The following GBP6 variants were observed in gnomAD, a reference collection of about 807,000 sequenced individuals.
GBP6 encodes the protein guanylate binding protein family member 6, also known as guanylate-binding protein 6.
Under a neutral mutation model 61.5 loss-of-function variants are expected in GBP6, and 54 were observed. The observed-to-expected ratio is 0.88, with a 90% CI of 0.71 to 1.10. The LOEUF (loss-of-function observed/expected upper bound fraction) is 1.10, where lower values mean the gene tolerates loss of function less well. GBP6 is among the 50% of genes least tolerant of loss of function. The probability of loss-of-function intolerance (pLI) is 0.00; values close to 1 mark genes in which losing one functional copy is unlikely to be tolerated. For missense variants in GBP6, 748 were observed against 752.8 expected (o/e 0.99, Z 0.07); for synonymous variants, 255 against 273.7 (o/e 0.93, Z 0.67).
chr1:89,374,196 T>C (rs891954515), intron 3 of GBP6, among the ~76,000 whole-genome samples: 2 of 152,150 alleles, frequency 1.3e-5, no homozygotes, highest in African/African-American at 4.8e-5. Context: ...TTGTCCAGTC[T>C]CGTGTATGTC....
Position 89,385,586 on chromosome 1 carries a change from TAC to T in GBP6, c.*119_*120del. On this transcript the variant is annotated 3_prime_UTR_variant, in exon 11 of 11. Transcript: ENST00000370456. ...TCTTACTCTGTTGCCCAGGCTGGAG[TAC>T]AGTGGTGCAATCTCAGCTCACTGCA... 2 of 987,212 alleles carry T rather than the reference TAC, an allele frequency of 2.0e-6. No individual in the cohort carries two copies. The highest frequency in any genetic ancestry group is 5.2e-5 in the East Asian group (2 of 38,242). The allele number at this position is 987,212 out of a possible 1,614,324, so 61.2% of individuals were successfully genotyped here. A position where few individuals can be genotyped will look rare whatever the true frequency, so the allele number is the denominator to read the frequency against.
chr1:89,379,426 A>G (rs988557339), intron 5 of GBP6, among the ~76,000 whole-genome samples: 2 of 152,138 alleles, frequency 1.3e-5, no homozygotes, highest in African/African-American at 4.8e-5. Flanking sequence ...CACAGATATT[A>G]TTCTTCTCAT....
At chr1:89,364,307 G>A (rs188176124) in intron 1 of GBP6, among the ~76,000 whole-genome samples, 180 bp downstream of exon 1, 50 of 152,302 alleles carry the variant, frequency 3.3e-4, no homozygotes, top group African/African-American at 1.2e-3. Flanking sequence ...AGTGACAGCC[G>A]GGCACGCCGC....
Position 89,378,213 on chromosome 1 carries a change from G to A in GBP6, c.428+1G>A. The A allele has an allele frequency of 1.2e-6, 2 of 1,608,276 alleles. No individual in the cohort carries two copies. Among genetic ancestry groups the A allele is most frequent in the Non-Finnish European group, 1.7e-6 (2 of 1,178,634 alleles). The stretch of plus-strand genomic sequence containing the variant: ...ACCACCAGGCCCTGGAGCAGCTGCA[G>A]TATCCTTCCAGGAACAGAACAGAAC... On this transcript the variant is annotated splice_donor_variant, in intron 4 of 10. Coordinates refer to ENST00000370456, the MANE Select transcript of GBP6 (RefSeq NM_198460.3). LOFTEE classifies it high-confidence loss of function.
chr1:89,379,742 GC>G, intron 5 of GBP6, among the ~76,000 whole-genome samples: 1 of 152,282 alleles, frequency 6.6e-6, no homozygotes, highest in Admixed American at 6.5e-5. Flanking sequence ...TTCTATTTAT[GC>G]TTTCTTGAAA....
intron 9 of GBP6, 67 bp from the exon 10 acceptor site, chr1:89,384,026 G>A (rs1653062385): frequency 6.9e-7 from 1 of 1,439,136 alleles, no homozygotes; most frequent in Non-Finnish European, 9.3e-7. Flanking sequence ...TTTAGTCTCA[G>A]CTCAGAAAAG....
intron 3 of GBP6, among the ~76,000 whole-genome samples, chr1:89,372,028 A>C (rs1652658880): frequency 1.4e-5 from 2 of 144,056 alleles, no homozygotes; most frequent in Admixed American, 6.7e-5. Context: ...TAACAGACAA[A>C]CAGAGAGCCA....
chr1:89,382,949 A>C lies in GBP6; in HGVS notation c.1365+73A>C, dbSNP rs964307184. 4.3e-6 allele frequency: 4 copies of C among 927,892 alleles called. No individual in the cohort carries two copies. The African/African-American group carries it at 6.5e-5, about 15-fold the overall frequency. 57.5% of individuals were successfully genotyped at this position (927,892 alleles called of 1,614,324 possible). A position where few individuals can be genotyped will look rare whatever the true frequency, so the allele number is the denominator to read the frequency against. On this transcript the variant is annotated intron_variant, in intron 8 of 10. Coordinates refer to ENST00000370456, the MANE Select transcript of GBP6 (RefSeq NM_198460.3). ...GAGTCTTCAGCACCAGCCGTGGGTA[A>C]TAAGAGAGCAGAGGGATAGCATAAC...
chr1:89,382,958 C>A, intron 8 of GBP6, 82 bp downstream of exon 8: 1 of 840,526 alleles, frequency 1.2e-6, no homozygotes, highest in Non-Finnish European at 2.0e-6. Context: ...AATAAGAGAG[C>A]AGAGGGATAG....
In GBP6 at chr1:89,386,446, G is replaced by C. The variant is rs1241739184; in HGVS notation, c.*977G>C. 2.6e-5 allele frequency: 4 copies of C among 152,152 alleles called. No individual in the cohort carries two copies. The highest frequency in any genetic ancestry group is 9.7e-5 in the African/African-American group (4 of 41,440). The allele number at this position is 152,152 out of a possible 1,614,324, so 9.4% of individuals were successfully genotyped here. A position where few individuals can be genotyped will look rare whatever the true frequency, so the allele number is the denominator to read the frequency against. On this transcript the variant is annotated 3_prime_UTR_variant, in exon 11 of 11. Coordinates refer to ENST00000370456, the MANE Select transcript of GBP6 (RefSeq NM_198460.3). ...TAATAATGATAACAATAAAAAAATA[G>C]TGAAATTGGCTATCAGATGATGAAA...
At chr1:89,366,960 T>A (rs942130136) in intron 1 of GBP6, among the ~76,000 whole-genome samples, 3 of 152,240 alleles carry the variant, frequency 2.0e-5, no homozygotes, top group Non-Finnish European at 4.4e-5. Context: ...TTCAAGGTGA[T>A]CCATGTTGTA....
intron 1 of GBP6, among the ~76,000 whole-genome samples, chr1:89,364,647 ATG>A (rs1158543244): frequency 8.4e-5 from 8 of 95,274 alleles, no homozygotes; most frequent in African/African-American, 3.3e-4. Flanking sequence ...GTGTGTGTGT[ATG>A]TGTGTGTGGG....
intron 5 of GBP6, 62 bp from the exon 6 acceptor site, chr1:89,380,324 C>A (rs371738146): frequency 2.5e-5 from 38 of 1,492,136 alleles, no homozygotes; most frequent in East Asian, 1.1e-4. Flanking sequence ...ATCAAAAATA[C>A]CTTTAGCTCC....
Position 89,382,728 on chromosome 1 carries a change from G to T in GBP6, c.1217G>T (p.Cys406Phe). Reference protein sequence around the residue: ...LQNEESSVQYCQAKLNELSKG... With the variant: ...LQNEESSVQYFQAKLNELSKG... ...AATGAAGAGTCATCTGTTCAATACT[G>T]CCAGGCTAAACTCAATGAGCTCTCA... Residue 406 changes from cysteine to phenylalanine, a missense_variant, in exon 8 of 11, where the codon TGC becomes TTC. Coordinates refer to ENST00000370456, the MANE Select transcript of GBP6 (RefSeq NM_198460.3). 1 of 1,614,100 alleles carries T rather than the reference G, an allele frequency of 6.2e-7. No individual in the cohort carries two copies. The highest frequency in any genetic ancestry group is 8.5e-7 in the Non-Finnish European group (1 of 1,179,972).
chr1:89,365,635 T>G (rs1194073036), intron 1 of GBP6, among the ~76,000 whole-genome samples: 2 of 152,280 alleles, frequency 1.3e-5, no homozygotes, highest in African/African-American at 4.8e-5. Flanking sequence ...GTTATTGTAA[T>G]TATTGTAGTA....
chr1:89,374,356 TATTC>T (rs2100663810), intron 3 of GBP6, among the ~76,000 whole-genome samples: 1 of 152,312 alleles, frequency 6.6e-6, no homozygotes, highest in East Asian at 1.9e-4. Context: ...TATATTTAAA[TATTC>T]ATACTTCCAT....
intron 3 of GBP6, among the ~76,000 whole-genome samples, chr1:89,374,397 G>A (rs1170419108): frequency 6.6e-6 from 1 of 151,988 alleles, no homozygotes; most frequent in Non-Finnish European, 1.5e-5. Context: ...AAATATGAAA[G>A]TACAGATATC....
chr1:89,384,076 A>G lies in GBP6; in HGVS notation c.1469-17A>G. ...CACCTATTATTTTCTTCTCTTTCTA[A>G]TACCTTCATGGAGCAGTGGATCGGG... On this transcript the variant is annotated splice_polypyrimidine_tract_variant and intron_variant, in intron 9 of 10. Coordinates refer to ENST00000370456, the MANE Select transcript of GBP6 (RefSeq NM_198460.3). The G allele has an allele frequency of 6.3e-7, 1 of 1,587,140 alleles. No homozygotes were observed. The highest frequency in any genetic ancestry group is 1.4e-5 in the African/African-American group (1 of 73,490).
At chr1:89,385,089 T>C (rs1653096809) in intron 10 of GBP6, 141 bp from the exon 11 acceptor site, 2 of 720,848 alleles carry the variant, frequency 2.8e-6, no homozygotes, top group Admixed American at 5.8e-5. Flanking sequence ...TCACAATGTC[T>C]AGGTCCAAAT....
Sources: gnomAD v4.1 joint callset for allele counts (sites outside exome capture counted in the v4.1 genomes callset) on GRCh38, gnomAD v4.1.1 for gene constraint, MANE v1.5 for transcripts, NCBI Gene and HGNC (gene_info 2026-07-23, HGNC 2026-07-21) for gene names.